DOCK10: variants seen among roughly 807,000 people sequenced by gnomAD.
DOCK10 encodes dedicator of cytokinesis 10, also known as dedicator of cytokinesis protein 10.
A neutral mutation model predicts 280.1 loss-of-function variants in DOCK10; 145 were observed. The observed-to-expected ratio is 0.52, with a 90% CI of 0.45 to 0.59. The LOEUF is 0.59. Among genes scored for constraint, DOCK10 ranks in the 20% least tolerant of loss-of-function variants. DOCK10 has a pLI of 0.00. For synonymous variants in DOCK10, 915 were observed against 942.2 expected (o/e 0.97, Z 0.53); for missense variants, 2,368 against 2,651.7 (o/e 0.89, Z 2.35).
Position 224,802,014 on chromosome 2 carries a change from C to T in DOCK10, c.4295G>A (p.Gly1432Asp), listed in dbSNP as rs778290012. 8.1e-6 allele frequency: 13 copies of T among 1,612,688 alleles called. No homozygotes were observed. In the Admixed American group the frequency reaches 2.0e-4, roughly 25 times the overall value. The change falls in exon 40 of 56, where the codon GGC becomes GAC. Residue 1432 changes from glycine to aspartate, a missense_variant. By Grantham distance (94) the Gly-to-Asp change is moderately conservative. Around this residue, in one of 2 missense-constraint regions of DOCK10, gnomAD observed 1,159 missense variants for 1,400.8 expected, o/e 0.83. Coordinates refer to ENST00000258390, the MANE Select transcript of DOCK10 (RefSeq NM_014689.3). ...QWMHSTSSHEGHKQHRSQTLP... is the reference protein window; with the variant it reads ...QWMHSTSSHEDHKQHRSQTLP... ...AGTTTGTGATCTGTGCTGCTTATGG[C>T]CTTCATGACTGGAAGTGGAGTGCAT...
intron 29 of DOCK10, among the ~76,000 whole-genome samples, chr2:224,817,666 A>C (rs1319417953): frequency 6.6e-6 from 1 of 152,206 alleles, no homozygotes; most frequent in African/African-American, 2.4e-5. Context: ...GCTGCAATTA[A>C]ATGGATATTC....
intron 4 of DOCK10, chr2:224,893,582 G>A: frequency 7.3e-6 from 3 of 413,454 alleles, no homozygotes; most frequent in Non-Finnish European, 1.4e-5. Flanking sequence ...TATTCCTAGT[G>A]TGTAAAGGCT....
intron 14 of DOCK10, chr2:224,862,098 G>C (rs1397177994): frequency 1.3e-5 from 2 of 152,332 alleles, no homozygotes; most frequent in Admixed American, 1.3e-4. Flanking sequence ...GCATCCAAGT[G>C]AATGATGTGT....
At chr2:224,985,300 T>G (rs1360275458) in intron 1 of DOCK10, among the ~76,000 whole-genome samples, 4 of 151,924 alleles carry the variant, frequency 2.6e-5, no homozygotes, top group Admixed American at 2.0e-4. Flanking sequence ...TCACTAACAA[T>G]TCGTAAGGCT....
chr2:224,853,024 T>C lies in DOCK10; in HGVS notation c.1987A>G (p.Lys663Glu), dbSNP rs1696858326. 6.2e-7 allele frequency: 1 copy of C among 1,612,788 alleles called. No homozygotes were observed. The highest frequency in any genetic ancestry group is 1.7e-5 in the Admixed American group (1 of 60,014). Residue 663 changes from lysine (K) to glutamate (E), a missense_variant, in exon 17 of 56, where the codon AAG becomes GAG. By Grantham distance (56) the Lys-to-Glu change is moderately conservative (BLOSUM62 1). Around this residue, in one of 2 missense-constraint regions of DOCK10, gnomAD observed 1,209 missense variants for 1,250.9 expected, o/e 0.97. Coordinates refer to ENST00000258390, the MANE Select transcript of DOCK10 (RefSeq NM_014689.3). Reference protein sequence around the residue: ...EVEEFVYDSTKYCRPYRVYKN... With the variant: ...EVEEFVYDSTEYCRPYRVYKN... ...TATACTCTGTAAGGCCGACAATACT[T>C]TGTTGAATCGTAAACAAATTCTTCC...
At chr2:224,902,556 A>G (rs1195138282) in intron 3 of DOCK10, among the ~76,000 whole-genome samples, 10 of 152,160 alleles carry the variant, frequency 6.6e-5, no homozygotes, top group Non-Finnish European at 1.5e-4. Context: ...CAGATAATTT[A>G]TTGTTCACAC....
chr2:224,911,951 T>G (rs1281011450), intron 3 of DOCK10, among the ~76,000 whole-genome samples: 1 of 152,092 alleles, frequency 6.6e-6, no homozygotes, highest in Non-Finnish European at 1.5e-5. Context: ...AAGACACGCA[T>G]GAGATTTTGA....
At position 224,807,988 on chromosome 2, in the gene DOCK10, C is replaced by T. The variant is rs957406611; in HGVS notation, c.3508G>A (p.Asp1170Asn). The T allele has an allele frequency of 6.2e-6, 10 of 1,612,830 alleles. No individual in the cohort carries two copies. Among genetic ancestry groups the T allele is most frequent in the Non-Finnish European group, 7.6e-6 (9 of 1,179,438 alleles). Residue 1170 changes from aspartate to asparagine, a missense_variant, in exon 32 of 56, where the codon GAT becomes AAT. Asp to Asn is a conservative substitution (Grantham distance 23, BLOSUM62 1). Around this residue, in one of 2 missense-constraint regions of DOCK10, gnomAD observed 1,159 missense variants for 1,400.8 expected, o/e 0.83. Transcript: ENST00000258390. ...ACAGCTAAAGCTAAGTGTCTGACAT[C>T]TTGGTCTTCCTGCAGGGCAAAGCCA... ...EVGFALQEDQ[D>N]VRHLALAVLK...
At chr2:224,972,559 C>T (rs1166225711) in intron 1 of DOCK10, among the ~76,000 whole-genome samples, 1 of 152,154 alleles carries the variant, frequency 6.6e-6, no homozygotes, top group African/African-American at 2.4e-5. Context: ...CAATTAAAAA[C>T]ACTGAGATAA....
intron 11 of DOCK10, among the ~76,000 whole-genome samples, chr2:224,872,738 C>T (rs889499388): frequency 1.3e-5 from 2 of 152,108 alleles, no homozygotes; most frequent in African/African-American, 2.4e-5. Flanking sequence ...TTTCTGCCTT[C>T]GAAAGCCAAT....
chr2:224,788,135 C>A (rs1691866672), intron 48 of DOCK10, among the ~76,000 whole-genome samples: 1 of 152,030 alleles, frequency 6.6e-6, no homozygotes, highest in Non-Finnish European at 1.5e-5. Context: ...TATATGATAC[C>A]TAGATTTGGC....
intron 9 of DOCK10, 64 bp downstream of exon 9, chr2:224,874,602 C>T: frequency 1.4e-6 from 2 of 1,465,624 alleles, no homozygotes; most frequent in Non-Finnish European, 1.9e-6. Flanking sequence ...ACGTCTTTTC[C>T]ATGAAAGCAA....
At chr2:224,961,426 C>CTT (rs1248324426) in intron 1 of DOCK10, among the ~76,000 whole-genome samples, 1 of 122,442 alleles carries the variant, frequency 8.2e-6, no homozygotes, top group African/African-American at 2.9e-5. Context: ...TTCTTTCTTT[C>CTT]TTTCTTTCTT....
chr2:224,830,603 AC>A lies in DOCK10; in HGVS notation c.2973del (p.Trp991CysfsTer8). The A allele has an allele frequency of 6.5e-7, 1 of 1,529,380 alleles. No homozygotes were observed. Among genetic ancestry groups the A allele is most frequent in the East Asian group, 2.3e-5 (1 of 43,692 alleles). The allele number at this position is 1,529,380 out of a possible 1,614,324, so 94.7% of individuals were successfully genotyped here. A position where few individuals can be genotyped will look rare whatever the true frequency, so the allele number is the denominator to read the frequency against. On this transcript the variant is annotated frameshift_variant, in exon 27 of 56. Transcript: ENST00000258390. LOFTEE classifies it high-confidence loss of function. ...GATTTTAGGATAATTGCAAAGAAGA[AC>A]CAGGAATGCTGTTGGGAAAAAAAAG... is the stretch of plus-strand genomic sequence containing the variant. Reference protein sequence around the residue: ...TTVKHVLKHSWFFFAIILKSM... With the variant: ...TTVKHVLKHSXFFFAIILKSM...
chr2:225,014,081 A>ATATATATATATATATATTTT (rs776104946), intron 1 of DOCK10, among the ~76,000 whole-genome samples: 34 of 96,802 alleles, frequency 3.5e-4, no homozygotes, highest in African/African-American at 1.5e-3. Context: ...GTCTGAATAT[A>ATATATATATATATATATTTT]TTGTTTTTTT....
intron 3 of DOCK10, 121 bp from the exon 4 acceptor site, chr2:224,896,498 C>G: frequency 1.8e-6 from 1 of 567,966 alleles, no homozygotes; most frequent in Non-Finnish European, 3.0e-6. Context: ...CACCTGAGAT[C>G]AGGAGTTCGA....
Position 225,026,083 on chromosome 2 carries a change from A to G in DOCK10, c.123+16169T>C, listed in dbSNP as rs138142388. On this transcript the variant is annotated intron_variant, in intron 1 of 55. Coordinates refer to ENST00000258390, the MANE Select transcript of DOCK10 (RefSeq NM_014689.3). ...GAAAGGCAAGCAGGAGCCGAACAAGAAGAGAAAAAAGGAAGTGTCCTCTGG... is the reference window on the plus strand; with the variant it reads ...GAAAGGCAAGCAGGAGCCGAACAAGGAGAGAAAAAAGGAAGTGTCCTCTGG... Among the ~76,000 whole-genome samples the G allele has an allele frequency of 8.5e-5, 13 of 152,192 alleles. No individual in the cohort carries two copies. The East Asian group carries it at 2.5e-3, about 29-fold the overall frequency.
At chr2:224,874,387 A>G in intron 9 of DOCK10, 38 bp from the exon 10 acceptor site, 1 of 1,499,914 alleles carries the variant, frequency 6.7e-7, no homozygotes, top group South Asian at 1.2e-5. Flanking sequence ...GTATCTAAAT[A>G]TCCAGATACA....
At chr2:224,994,055 T>C (rs1266639209) in intron 1 of DOCK10, among the ~76,000 whole-genome samples, 1 of 152,232 alleles carries the variant, frequency 6.6e-6, no homozygotes, top group Non-Finnish European at 1.5e-5. Context: ...AGCCTATCAC[T>C]ACATGTCTAT....
Sources: allele counts gnomAD v4.1 joint callset (sites outside exome capture counted in the v4.1 genomes callset), GRCh38; gene constraint gnomAD v4.1.1; regional missense constraint gnomAD v4.1.1; transcripts MANE v1.5; gene names NCBI Gene and HGNC (gene_info 2026-07-23, HGNC 2026-07-21).